Variants in PPP2R3A observed in about 807,000 individuals in gnomAD.
PPP2R3A encodes serine/threonine-protein phosphatase 2A regulatory subunit B'' subunit alpha.
Under a neutral mutation model 106.9 loss-of-function variants are expected in PPP2R3A, and 80 were observed. The observed-to-expected ratio is 0.75, with a 90% CI of 0.62 to 0.90. PPP2R3A has a LOEUF of 0.90. Among genes scored for constraint, PPP2R3A ranks in the 40% least tolerant of loss-of-function variants. PPP2R3A has a pLI of 0.00. For synonymous variants in PPP2R3A, 483 were observed against 468.3 expected, an observed-to-expected ratio of 1.03 and a Z score of -0.41; for missense variants, 1,386 against 1,350.4, an observed-to-expected ratio of 1.03 and a Z score of -0.41.
intron 6 of PPP2R3A, 68 bp from the exon 7 acceptor site, chr3:136,078,299 A>G (rs935023479): frequency 3.8e-6 from 4 of 1,061,892 alleles, no homozygotes; most frequent in Non-Finnish European, 5.8e-6. Flanking sequence ...TGTTCATAAA[A>G]TGGCCTTTGA....
intron 1 of PPP2R3A, among the ~76,000 whole-genome samples, chr3:135,973,545 A>G (rs1937305462): frequency 1.3e-5 from 2 of 152,146 alleles, no homozygotes; most frequent in African/African-American, 4.8e-5. Flanking sequence ...CAGAATTGAA[A>G]GTATATTTTC....
chr3:135,981,118 A>G (rs1045423387), intron 1 of PPP2R3A, among the ~76,000 whole-genome samples: 1 of 151,944 alleles, frequency 6.6e-6, no homozygotes, highest in African/African-American at 2.4e-5. Flanking sequence ...TTTGGTGATC[A>G]TGGTGATGTG....
chr3:136,036,898 G>C (rs949519127), intron 3 of PPP2R3A, among the ~76,000 whole-genome samples: 1 of 152,058 alleles, frequency 6.6e-6, no homozygotes, highest in East Asian at 1.9e-4. Flanking sequence ...CCTTATTTTC[G>C]ACAGTTCTTT....
intron 6 of PPP2R3A, among the ~76,000 whole-genome samples, chr3:136,077,561 G>A (rs1004679941): frequency 4.0e-5 from 5 of 124,210 alleles, no homozygotes; most frequent in African/African-American, 1.6e-4. Flanking sequence ...GCTTCCTTTG[G>A]GAGAAGAAAA....
chr3:136,040,982 C>T lies in PPP2R3A; in HGVS notation c.2366+20C>T. 1 of 1,598,776 alleles carries T rather than the reference C, an allele frequency of 6.3e-7. No individual in the cohort carries two copies. The highest frequency in any genetic ancestry group is 8.6e-7 in the Non-Finnish European group (1 of 1,169,222). The stretch of plus-strand genomic sequence containing the variant: ...GAGAAAGTAAGTATGTGAGCAGTCT[C>T]TCTGGAGCTAGGCAAAGAATTGTGT... On this transcript the variant is annotated intron_variant, in intron 4 of 13. Transcript: ENST00000264977.
chr3:136,002,008 C>T lies in PPP2R3A; in HGVS notation c.510C>T (p.Asn170=), dbSNP rs138195309. Residue 170 remains asparagine (N), a synonymous_variant, in exon 2 of 14, where the codon AAC becomes AAT. Coordinates refer to ENST00000264977, the MANE Select transcript of PPP2R3A (RefSeq NM_002718.5). ...GTGGCCATTATAACAACGATGGGAA[C>T]GCCCCATCCTTTGGTTTACTGCGGA... ...LLCGHYNNDG[N]APSFGLLRSS... 243 of 1,614,048 alleles carry T rather than the reference C, an allele frequency of 1.5e-4. No individual in the cohort carries two copies. The African/African-American group carries it at 3.0e-3, about 20-fold the overall frequency.
chr3:136,069,806 C>T (rs1301686117), intron 5 of PPP2R3A, among the ~76,000 whole-genome samples: 1 of 152,096 alleles, frequency 6.6e-6, no homozygotes, highest in Non-Finnish European at 1.5e-5. Context: ...CTATTAGATC[C>T]TCTGGGCTCA....
intron 4 of PPP2R3A, among the ~76,000 whole-genome samples, chr3:136,044,570 CAAAAA>C (rs1247139572): frequency 0.017 from 1,263 of 76,056 alleles, 6 homozygotes; most frequent in Admixed American, 0.023. Flanking sequence ...GACCCTGTCT[CAAAAA>C]AAAAAAAAAA....
At position 136,129,093 on chromosome 3, in the gene PPP2R3A, A is replaced by G. The variant is rs1156795501; in HGVS notation, c.3330-15950A>G. 2.6e-5 allele frequency among the ~76,000 whole-genome samples: 4 copies of G among 152,152 alleles called. No homozygotes were observed. In the East Asian group the frequency reaches 5.8e-4, roughly 22 times the overall value. ...AAAGATCTAAAATCGACACCCTAAC[A>G]TCACAATTAAAAGAACTAGAGAAGC... On this transcript the variant is annotated intron_variant, in intron 13 of 13. Coordinates refer to ENST00000264977, the MANE Select transcript of PPP2R3A (RefSeq NM_002718.5).
At chr3:135,992,135 A>T (rs903726934) in intron 1 of PPP2R3A, among the ~76,000 whole-genome samples, 3 of 152,124 alleles carry the variant, frequency 2.0e-5, no homozygotes, top group African/African-American at 7.2e-5. Context: ...TTTATTCCAC[A>T]AATAGGCCTT....
At chr3:136,003,551 A>C in intron 2 of PPP2R3A, 58 bp downstream of exon 2, 2 of 1,464,618 alleles carry the variant, frequency 1.4e-6, no homozygotes. Context: ...AGTGTTTGAA[A>C]ATTTTATAAA....
rs994338674 is a variant in PPP2R3A, at chr3:136,118,051, G to A, written c.3329+11729G>A. ...CCATGATCAAGTGGGCCTCATCCCT[G>A]GGATGCAAGGCTGGTTCAACATATG... is the stretch of plus-strand genomic sequence containing the variant. On this transcript the variant is annotated intron_variant, in intron 13 of 13. Coordinates refer to ENST00000264977, the MANE Select transcript of PPP2R3A (RefSeq NM_002718.5). 3.9e-5 allele frequency among the ~76,000 whole-genome samples: 6 copies of A among 152,152 alleles called. No individual in the cohort carries two copies. In the South Asian group the frequency reaches 1.2e-3, roughly 32 times the overall value.
intron 7 of PPP2R3A, among the ~76,000 whole-genome samples, chr3:136,080,354 A>G (rs1936744169): frequency 6.6e-6 from 1 of 152,236 alleles, no homozygotes; most frequent in Admixed American, 6.5e-5. Context: ...ATGAGTAAGA[A>G]TGTCTGTAGA....
At chr3:136,131,353 G>A (rs1384419697) in intron 13 of PPP2R3A, among the ~76,000 whole-genome samples, 1 of 152,142 alleles carries the variant, frequency 6.6e-6, no homozygotes, top group Non-Finnish European at 1.5e-5. Context: ...GTAGGCAAAG[G>A]ATATGAACAG....
At chr3:136,057,783 A>G (rs1005560232) in intron 5 of PPP2R3A, among the ~76,000 whole-genome samples, 2 of 152,174 alleles carry the variant, frequency 1.3e-5, no homozygotes, top group Non-Finnish European at 2.9e-5. Context: ...TTATTATCAA[A>G]AAGACGAAAG....
chr3:136,030,121 G>A (rs1255908219), intron 3 of PPP2R3A, among the ~76,000 whole-genome samples: 1 of 152,020 alleles, frequency 6.6e-6, no homozygotes, highest in African/African-American at 2.4e-5. Context: ...AGGAGGCTGA[G>A]GCAGGAAGAT....
intron 7 of PPP2R3A, among the ~76,000 whole-genome samples, chr3:136,079,575 A>AT: frequency 6.6e-6 from 1 of 151,534 alleles, no homozygotes; most frequent in Non-Finnish European, 1.5e-5. Flanking sequence ...TGCCCAGCTC[A>AT]TTTTTGTATT....
In PPP2R3A at chr3:136,102,138, A is replaced by T; in HGVS notation, c.3059A>T (p.Asp1020Val). The change falls in exon 11 of 14, where the codon GAT becomes GTT. Residue 1020 changes from aspartate (D) to valine (V), a missense_variant. Coordinates refer to ENST00000264977, the MANE Select transcript of PPP2R3A (RefSeq NM_002718.5). Reference protein sequence around the residue: ...AMGIEPLPFHDLLCQMLDLVK... With the variant: ...AMGIEPLPFHVLLCQMLDLVK... The stretch of plus-strand genomic sequence containing the variant: ...GGAATTGAGCCCTTGCCATTCCATG[A>T]TTTACTGTGCCAGATGCTTGACCTA... 1.2e-6 allele frequency: 2 copies of T among 1,613,696 alleles called. No homozygotes were observed. Among genetic ancestry groups the T allele is most frequent in the African/African-American group, 2.7e-5 (2 of 75,014 alleles).
chr3:136,140,878 C>T (rs1938843361), intron 13 of PPP2R3A, among the ~76,000 whole-genome samples: 2 of 152,148 alleles, frequency 1.3e-5, no homozygotes, highest in Admixed American at 1.3e-4. Flanking sequence ...CCGTTGCCCT[C>T]CTGGGCGACA....
Sources: allele counts gnomAD v4.1 joint callset (sites outside exome capture counted in the v4.1 genomes callset), GRCh38; gene constraint gnomAD v4.1.1; transcripts MANE v1.5; gene names NCBI Gene and HGNC (gene_info 2026-07-23, HGNC 2026-07-21).